The following MSH4 variants were observed in gnomAD, a reference collection of about 807,000 sequenced individuals.
MSH4 encodes the protein mutS homolog 4, also known as mutS protein homolog 4.
A neutral mutation model predicts 113.7 loss-of-function variants in MSH4; 106 were observed. The ratio of observed to expected loss-of-function variants is 0.93; its 90% CI spans 0.80 to 1.10. The LOEUF (loss-of-function observed/expected upper bound fraction) is 1.10. Ranked by LOEUF, MSH4 falls within the 50% of genes least tolerant of loss-of-function variation. MSH4 has a pLI of 0.00. For synonymous variants in MSH4, 368 were observed against 380.2 expected (o/e 0.97, Z 0.37); for missense variants, 1,061 against 1,093.7 (o/e 0.97, Z 0.42).
At chr1:75,818,604 T>C (rs564104457) in intron 6 of MSH4, among the ~76,000 whole-genome samples, 1 of 152,368 alleles carries the variant, frequency 6.6e-6, no homozygotes, top group South Asian at 2.1e-4. Context: ...CTCATTATTG[T>C]TGTCATGATT....
intron 8 of MSH4, among the ~76,000 whole-genome samples, chr1:75,857,928 C>T (rs1351029161): frequency 6.6e-6 from 1 of 152,036 alleles, no homozygotes; most frequent in African/African-American, 2.4e-5. Context: ...TGTTTGTGTC[C>T]TGTCTTATTT....
In MSH4 at chr1:75,888,535, T is replaced by C. The variant is rs540120581; in HGVS notation, c.2108-716T>C. ...GTTTCTCCATGTTTGTAATCACAGATATTTCTTTATATCTTTTTATAATGA... is the reference window on the plus strand; with the variant it reads ...GTTTCTCCATGTTTGTAATCACAGACATTTCTTTATATCTTTTTATAATGA... On this transcript the variant is annotated intron_variant, in intron 15 of 19. Transcript: ENST00000263187. Among the ~76,000 whole-genome samples, 494 of 152,156 alleles carry C rather than the reference T, an allele frequency of 3.2e-3. 3 individuals carry two copies. Among genetic ancestry groups the C allele is most frequent in the Non-Finnish European group, 5.7e-3 (384 of 67,954 alleles).
At chr1:75,907,684 C>CTCTCTCTCTATATATATATATATATA (rs1307238647) in intron 19 of MSH4, among the ~76,000 whole-genome samples, 3 of 46,560 alleles carry the variant, frequency 6.4e-5, no homozygotes, top group Non-Finnish European at 1.1e-4. Flanking sequence ...CTCTCTCTCT[C>CTCTCTCTCTATATATATATATATATA]TATACATATA....
At chr1:75,808,630 T>A (rs1177876281) in intron 3 of MSH4, among the ~76,000 whole-genome samples, 1 of 152,190 alleles carries the variant, frequency 6.6e-6, no homozygotes, top group African/African-American at 2.4e-5. Context: ...CATTCAGGAT[T>A]ATGGCATTTG....
At chr1:75,797,282 A>C (rs1197527518) in intron 1 of MSH4, 53 bp downstream of exon 1, 1 of 1,556,814 alleles carries the variant, frequency 6.4e-7, no homozygotes, top group Non-Finnish European at 8.7e-7. Context: ...CCGGCAGTTC[A>C]TGGAGGCTCG....
At chr1:75,801,215 G>A (rs530292672) in intron 1 of MSH4, among the ~76,000 whole-genome samples, 5 of 152,224 alleles carry the variant, frequency 3.3e-5, no homozygotes, top group African/African-American at 1.2e-4. Flanking sequence ...GAGTAATTGT[G>A]ACAGTGATTA....
intron 7 of MSH4, among the ~76,000 whole-genome samples, chr1:75,845,161 T>C (rs1651049163): frequency 1.3e-5 from 2 of 152,214 alleles, no homozygotes; most frequent in South Asian, 4.1e-4. Flanking sequence ...TGCATGAACT[T>C]TGGGGACACA....
At chr1:75,820,066 AATTGTCTTGTACTTGTCATCAGAACAAG>A (rs577099572) in intron 6 of MSH4, among the ~76,000 whole-genome samples, 4,974 of 150,882 alleles carry the variant, frequency 0.033, 116 homozygotes, top group Non-Finnish European at 0.049. Context: ...GGAATTATGA[AATTGTCTTGTACTTGTCATCAGAACAAG>A]ATCATTATAG....
intron 7 of MSH4, among the ~76,000 whole-genome samples, chr1:75,831,082 G>A (rs898273198): frequency 2.0e-5 from 3 of 152,136 alleles, no homozygotes; most frequent in Non-Finnish European, 4.4e-5. Flanking sequence ...TCACAATAAA[G>A]GGATGGAGGA....
intron 8 of MSH4, among the ~76,000 whole-genome samples, chr1:75,856,394 C>A (rs1651318342): frequency 6.6e-6 from 1 of 152,058 alleles, no homozygotes; most frequent in South Asian, 2.1e-4. Context: ...ACCTATCAAC[C>A]CATCACCTAC....
intron 19 of MSH4, among the ~76,000 whole-genome samples, chr1:75,909,471 T>A (rs78967893): frequency 1.9e-5 from 1 of 52,432 alleles, no homozygotes; most frequent in Non-Finnish European, 3.7e-5. Flanking sequence ...CAGAATTGTA[T>A]TTTTTTTTTT....
chr1:75,872,122 G>T (rs1386011925), intron 9 of MSH4, among the ~76,000 whole-genome samples: 1 of 152,078 alleles, frequency 6.6e-6, no homozygotes, highest in East Asian at 1.9e-4. Context: ...AGGGAAAAAA[G>T]ACCCTCCCAG....
At chr1:75,856,156 T>C (rs1030718731) in intron 8 of MSH4, among the ~76,000 whole-genome samples, 1 of 152,170 alleles carries the variant, frequency 6.6e-6, no homozygotes, top group Non-Finnish European at 1.5e-5. Flanking sequence ...AGAAAAGTCT[T>C]CTGGTCTAGG....
chr1:75,809,354 T>C (rs1171404746), intron 3 of MSH4, among the ~76,000 whole-genome samples: 3 of 152,160 alleles, frequency 2.0e-5, no homozygotes, highest in Admixed American at 1.3e-4. Flanking sequence ...TTTTTTATTA[T>C]ACCTAACAAC....
chr1:75,880,216 A>G, intron 13 of MSH4, 63 bp downstream of exon 13: 1 of 846,240 alleles, frequency 1.2e-6, no homozygotes. Flanking sequence ...AACTGTTACA[A>G]TTGTATTAGT....
At chr1:75,839,209 A>G (rs1044668673) in intron 7 of MSH4, among the ~76,000 whole-genome samples, 8 of 151,790 alleles carry the variant, frequency 5.3e-5, no homozygotes, top group African/African-American at 1.9e-4. Flanking sequence ...TCTGTTTTCT[A>G]TATCTTTTTC....
intron 14 of MSH4, among the ~76,000 whole-genome samples, chr1:75,882,692 G>T (rs5745480): frequency 0.19 from 27,580 of 141,578 alleles, 2,881 homozygotes; most frequent in Middle Eastern, 0.26. Flanking sequence ...AAAAAAAATC[G>T]GTGAGAAGTG....
chr1:75,877,066 T>G, intron 10 of MSH4, 66 bp downstream of exon 10: 1 of 1,061,832 alleles, frequency 9.4e-7, no homozygotes, highest in South Asian at 1.8e-5. Context: ...TAACTGATTT[T>G]AAAGACTCTA....
In MSH4 at chr1:75,827,337, G is replaced by A. The variant is rs531330361; in HGVS notation, c.1162+4756G>A. On this transcript the variant is annotated intron_variant, in intron 7 of 19. Transcript: ENST00000263187. Reference sequence around the variant, plus strand: ...TGCCTTGCAAGAACTCCTGAAGGAAGCATTAAATATGGAAAGGAAAAACCA... The same window carrying A: ...TGCCTTGCAAGAACTCCTGAAGGAAACATTAAATATGGAAAGGAAAAACCA... 1.4e-3 allele frequency among the ~76,000 whole-genome samples: 220 copies of A among 152,200 alleles called. 1 individual carries two copies. Among genetic ancestry groups the A allele is most frequent in the African/African-American group, 5.1e-3 (212 of 41,522 alleles).
Sources: gnomAD v4.1 joint callset for allele counts (sites outside exome capture counted in the v4.1 genomes callset) on GRCh38, gnomAD v4.1.1 for gene constraint, MANE v1.5 for transcripts, NCBI Gene and HGNC (gene_info 2026-07-23, HGNC 2026-07-21) for gene names.